Variants in FAM227B observed in about 807,000 individuals in gnomAD.
FAM227B encodes family with sequence similarity 227 member B, also known as protein FAM227B.
Under a neutral mutation model 73.8 loss-of-function variants are expected in FAM227B, and 88 were observed. That is an observed-to-expected ratio of 1.19 (90% CI 1.00 to 1.42). The LOEUF is 1.42. Among genes scored for constraint, FAM227B ranks in the 40% most tolerant of loss-of-function variants. The probability of loss-of-function intolerance (pLI) is 0.00; values close to 1 mark genes in which losing one functional copy is unlikely to be tolerated. For missense variants in FAM227B, 632 were observed against 590.9 expected, an observed-to-expected ratio of 1.07 and a Z score of -0.72; for synonymous variants, 210 against 190.5, an observed-to-expected ratio of 1.10 and a Z score of -0.84.
At chr15:49,591,587 G>A (rs2152413474) in intron 3 of FAM227B, among the ~76,000 whole-genome samples, 1 of 140,400 alleles carries the variant, frequency 7.1e-6, no homozygotes, top group South Asian at 2.3e-4. Flanking sequence ...CAAGGTTCAA[G>A]CGATTCTCCT....
At chr15:49,556,573 A>G (rs1052014377) in intron 9 of FAM227B, among the ~76,000 whole-genome samples, 4 of 152,200 alleles carry the variant, frequency 2.6e-5, no homozygotes, top group African/African-American at 7.2e-5. Context: ...CCACTGCAAG[A>G]GCTTTAATGT....
intron 13 of FAM227B, among the ~76,000 whole-genome samples, chr15:49,361,242 A>AT (rs1051136727): frequency 1.3e-5 from 2 of 151,826 alleles, no homozygotes; most frequent in African/African-American, 2.4e-5. Flanking sequence ...TATGATGCAA[A>AT]TTTTTTTTTA....
chr15:49,358,112 C>G (rs996160300), intron 13 of FAM227B, among the ~76,000 whole-genome samples: 1 of 151,774 alleles, frequency 6.6e-6, no homozygotes, highest in Non-Finnish European at 1.5e-5. Flanking sequence ...CTATCTATGA[C>G]AAACCCACAG....
At chr15:49,336,071 G>A (rs1402097072) in intron 13 of FAM227B, among the ~76,000 whole-genome samples, 2 of 152,154 alleles carry the variant, frequency 1.3e-5, no homozygotes, top group Non-Finnish European at 2.9e-5. Flanking sequence ...GCCTCCCAAA[G>A]TATTGGGATT....
intron 11 of FAM227B, among the ~76,000 whole-genome samples, chr15:49,470,063 T>C (rs563668203): frequency 2.6e-5 from 4 of 152,138 alleles, no homozygotes; most frequent in Non-Finnish European, 5.9e-5. Flanking sequence ...AAGCCCTGCA[T>C]ACAACCATAA....
intron 9 of FAM227B, among the ~76,000 whole-genome samples, chr15:49,563,696 T>C (rs1443304010): frequency 6.6e-6 from 1 of 151,970 alleles, no homozygotes; most frequent in Admixed American, 6.6e-5. Flanking sequence ...TGCACACTTA[T>C]AAACATCTGA....
intron 11 of FAM227B, among the ~76,000 whole-genome samples, chr15:49,489,855 ATATTTTATATATAT>A (rs2056854782): frequency 6.7e-5 from 1 of 14,922 alleles, no homozygotes; most frequent in African/African-American, 1.7e-4. Flanking sequence ...ATATATATAT[ATATTTTATATATAT>A]ATATATATAT....
At chr15:49,574,461 T>C (rs1434120692) in intron 8 of FAM227B, among the ~76,000 whole-genome samples, 1 of 152,118 alleles carries the variant, frequency 6.6e-6, no homozygotes, top group East Asian at 1.9e-4. Flanking sequence ...GTTTAAAAAG[T>C]GTGGCACTTG....
chr15:49,432,499 C>A (rs943289033), intron 11 of FAM227B, among the ~76,000 whole-genome samples: 3 of 151,678 alleles, frequency 2.0e-5, no homozygotes, highest in Admixed American at 6.6e-5. Flanking sequence ...AACACTCCTC[C>A]TCTCCCTCAC....
intron 11 of FAM227B, among the ~76,000 whole-genome samples, chr15:49,401,134 G>T (rs71394967): frequency 6.6e-6 from 1 of 152,208 alleles, no homozygotes; most frequent in Non-Finnish European, 1.5e-5. Context: ...AATCTACAAT[G>T]AACTCAAACA....
chr15:49,571,889 T>C (rs1378268431), intron 8 of FAM227B, among the ~76,000 whole-genome samples: 1 of 152,002 alleles, frequency 6.6e-6, no homozygotes, highest in Non-Finnish European at 1.5e-5. Context: ...TGTTTAAACA[T>C]CACTGGAATT....
At position 49,489,899 on chromosome 15, in the gene FAM227B, GA is replaced by G. The variant is rs2056916950; in HGVS notation, c.1012+18311del. ...ATATATATATAGAGAGAGAGAGAGA[GA>G]GAGAGAGAGAGAGACAGAGAGAGAG... On this transcript the variant is annotated intron_variant, in intron 11 of 15. Transcript: ENST00000299338. Among the ~76,000 whole-genome samples, 4 of 28,616 alleles carry G rather than the reference GA, an allele frequency of 1.4e-4. No individual in the cohort carries two copies. The Admixed American group carries it at 2.6e-3, about 18-fold the overall frequency. The allele number at this position is 28,616 out of a possible 152,430, so 18.8% of individuals were successfully genotyped here. A position where few individuals can be genotyped will look rare whatever the true frequency, so the allele number is the denominator to read the frequency against.
intron 3 of FAM227B, among the ~76,000 whole-genome samples, chr15:49,598,924 G>C (rs530944675): frequency 3.9e-4 from 59 of 152,022 alleles, no homozygotes; most frequent in African/African-American, 1.4e-3. Flanking sequence ...CTCTTGTCGT[G>C]TCCTTGTAGT....
intron 9 of FAM227B, among the ~76,000 whole-genome samples, chr15:49,561,527 T>C (rs1347631202): frequency 2.0e-5 from 3 of 152,108 alleles, no homozygotes; most frequent in East Asian, 3.8e-4. Context: ...CTAACAAATA[T>C]CTACAGAGCA....
intron 11 of FAM227B, among the ~76,000 whole-genome samples, chr15:49,402,043 C>G (rs2048198121): frequency 6.6e-6 from 1 of 152,054 alleles, no homozygotes; most frequent in Non-Finnish European, 1.5e-5. Context: ...TGCATTCCAG[C>G]TCTGATCTAG....
intron 3 of FAM227B, among the ~76,000 whole-genome samples, chr15:49,590,931 C>G (rs1242091623): frequency 1.3e-5 from 2 of 151,596 alleles, no homozygotes; most frequent in African/African-American, 4.9e-5. Context: ...CTTTTTGTGC[C>G]TGGCTTATTT....
chr15:49,588,648 T>C (rs1246494467), intron 4 of FAM227B, among the ~76,000 whole-genome samples: 1 of 143,828 alleles, frequency 7.0e-6, no homozygotes, highest in Non-Finnish European at 1.5e-5. Context: ...AAGGATATGT[T>C]CATACTTTGT....
At chr15:49,486,981 A>G (rs2056450896) in intron 11 of FAM227B, 1 of 151,876 alleles carries the variant, frequency 6.6e-6, no homozygotes, top group African/African-American at 2.4e-5. Context: ...CTGTCACAAG[A>G]GTCTAGATCA....
intron 3 of FAM227B, among the ~76,000 whole-genome samples, chr15:49,594,202 T>G (rs1301554062): frequency 6.6e-6 from 1 of 152,142 alleles, no homozygotes; most frequent in Non-Finnish European, 1.5e-5. Context: ...TTTTCACAGG[T>G]TTTTTGGCCA....
Sources: allele counts gnomAD v4.1 joint callset (sites outside exome capture counted in the v4.1 genomes callset), GRCh38; gene constraint gnomAD v4.1.1; transcripts MANE v1.5; gene names NCBI Gene and HGNC (gene_info 2026-07-23, HGNC 2026-07-21).